Variants in MYO15A observed in about 807,000 individuals in gnomAD.
MYO15A encodes the protein myosin XVA.
In MYO15A, 308 loss-of-function variants were observed where a neutral mutation model predicts 394.6. That is an observed-to-expected ratio of 0.78 (90% CI 0.71 to 0.86). The LOEUF (loss-of-function observed/expected upper bound fraction) is 0.86. Ranked by LOEUF, MYO15A falls within the 40% of genes least tolerant of loss-of-function variation. The pLI is 0.00. For synonymous variants in MYO15A, 1,957 were observed against 2,003.8 expected (o/e 0.98, Z 0.62); for missense variants, 4,606 against 4,799.1 (o/e 0.96, Z 1.19).
Position 18,122,108 on chromosome 17 carries a change from G to A in MYO15A, c.3308G>A (p.Gly1103Glu), listed in dbSNP as rs750304417. 8.1e-6 allele frequency: 13 copies of A among 1,612,810 alleles called. No individual in the cohort carries two copies. The highest frequency in any genetic ancestry group is 1.1e-5 in the South Asian group (1 of 91,092). The change falls in exon 2 of 66, where the codon GGG (glycine) becomes GAG (glutamate). Residue 1103 changes from glycine to glutamate, a missense_variant. Transcript: ENST00000647165. Reference sequence around the variant, plus strand: ...AGGGCCCCAGAGCCCCTGCCCAAGGGGGGTGAACGGCGCCAGGCAGCCCCT... The same window carrying A: ...AGGGCCCCAGAGCCCCTGCCCAAGGAGGGTGAACGGCGCCAGGCAGCCCCT... ...PIRAPEPLPKGGERRQAAPGR... is the reference protein window; with the variant it reads ...PIRAPEPLPKEGERRQAAPGR...
At chr17:18,152,244 C>A in intron 42 of MYO15A, 60 bp downstream of exon 42, 1 of 1,496,608 alleles carries the variant, frequency 6.7e-7, no homozygotes, top group Non-Finnish European at 9.0e-7. Flanking sequence ...AGTCTGTGGG[C>A]ACAGGTGAGT....
At chr17:18,141,568 C>T (rs1420371357) in intron 22 of MYO15A, 85 bp from the exon 23 acceptor site, 3 of 1,324,166 alleles carry the variant, frequency 2.3e-6, no homozygotes, top group African/African-American at 2.9e-5. Context: ...TTTTTGGACA[C>T]CTGGCTGGGG....
chr17:18,171,660 C>T lies in MYO15A; in HGVS notation c.10105C>T (p.Pro3369Ser). Reference sequence around the variant, plus strand: ...CAGGCGGGAAGTCCAGGAGTACATCCCAGCCCAGCTCTACCGTACAACGGC... The same window carrying T: ...CAGGCGGGAAGTCCAGGAGTACATCTCAGCCCAGCTCTACCGTACAACGGC... ...PSVREVQEYI[P>S]AQLYRTTAGS... Residue 3369 changes from proline to serine, a missense_variant, in exon 63 of 66, where the codon CCA becomes TCA. Physicochemically the swap from Pro to Ser is moderately conservative, Grantham distance 74. Around this residue, in one of 2 missense-constraint regions of MYO15A, gnomAD observed 2,776 missense variants for 3,109.3 expected, o/e 0.89. Transcript: ENST00000647165. The T allele has an allele frequency of 6.2e-7, 1 of 1,613,924 alleles. No homozygotes were observed. Among genetic ancestry groups the T allele is most frequent in the Non-Finnish European group, 8.5e-7 (1 of 1,180,034 alleles).
In MYO15A at chr17:18,126,834, G is replaced by A. The variant is rs139329625; in HGVS notation, c.3910G>A (p.Asp1304Asn). Residue 1304 changes from aspartate (D) to asparagine (N), a missense_variant, in exon 6 of 66, where the codon GAT becomes AAT. Transcript: ENST00000647165. ...AAATCTCGCCTTCGCCAAAATGCTC[G>A]ATGCCAAACAGAACCAGTGCATAAT... is the stretch of plus-strand genomic sequence containing the variant. Reference protein sequence around the residue: ...VANLAFAKMLDAKQNQCIIIS... With the variant: ...VANLAFAKMLNAKQNQCIIIS... 58 of 1,613,922 alleles carry A rather than the reference G, an allele frequency of 3.6e-5. No individual in the cohort carries two copies. In the African/African-American group the frequency reaches 5.6e-4, roughly 16 times the overall value.
Position 18,131,494 on chromosome 17 carries a change from C to G in MYO15A, c.4169C>G (p.Ser1390Cys), listed in dbSNP as rs905910228. The G allele has an allele frequency of 1.2e-6, 2 of 1,613,886 alleles. No individual in the cohort carries two copies. Among genetic ancestry groups the G allele is most frequent in the African/African-American group, 2.7e-5 (2 of 74,866 alleles). ...EGGVISGAIT[S>C]QYLLEKSRIV... ...GGCGTGATCTCTGGTGCCATAACCTCCCAGTACCTGCTTGAGAAATCCAGG... is the reference window on the plus strand; with the variant it reads ...GGCGTGATCTCTGGTGCCATAACCTGCCAGTACCTGCTTGAGAAATCCAGG... Residue 1390 changes from serine to cysteine, a missense_variant, in exon 10 of 66, where the codon TCC (serine) becomes TGC (cysteine). Transcript: ENST00000647165.
chr17:18,146,188 G>A lies in MYO15A; in HGVS notation c.6509+81G>A, dbSNP rs188319834. 9.2e-5 allele frequency: 131 copies of A among 1,417,212 alleles called. No individual in the cohort carries two copies. In the African/African-American group the frequency reaches 1.7e-3, roughly 19 times the overall value. The allele number at this position is 1,417,212 out of a possible 1,614,324, so 87.8% of individuals were successfully genotyped here. The stretch of plus-strand genomic sequence containing the variant: ...GCCCAAGGCAGGGTCTTAAAGGTCA[G>A]GCCAGGAGTCAGATCTCTATGCTGG... On this transcript the variant is annotated intron_variant, in intron 30 of 65. Coordinates refer to ENST00000647165, the MANE Select transcript of MYO15A (RefSeq NM_016239.4).
intron 59 of MYO15A, 74 bp downstream of exon 59, chr17:18,163,395 G>A: frequency 6.8e-7 from 1 of 1,481,224 alleles, no homozygotes; most frequent in African/African-American, 1.4e-5. Flanking sequence ...TCCAGGATGG[G>A]GGTGGAGTAA....
In MYO15A at chr17:18,162,632, G is replaced by A. The variant is rs770274590; in HGVS notation, c.9565G>A (p.Gly3189Arg). Residue 3189 changes from glycine (G) to arginine (R), a missense_variant, in exon 58 of 66, where the codon GGA becomes AGA. Around this residue, in one of 2 missense-constraint regions of MYO15A, gnomAD observed 2,776 missense variants for 3,109.3 expected, o/e 0.89. Transcript: ENST00000647165. ...GAACCTGCAGAAAACCTTGCGCTTC[G>A]GAGGTCGTCTGGAGCTCCCCAGCAG... The part of the protein sequence containing the change: ...EQNLQKTLRF[G>R]GRLELPSSIE... 1.1e-5 allele frequency: 18 copies of A among 1,613,936 alleles called. No individual in the cohort carries two copies. The Admixed American group carries it at 2.0e-4, about 18-fold the overall frequency.
chr17:18,133,859 T>TCTC (rs2046215487), intron 12 of MYO15A, among the ~76,000 whole-genome samples: 1 of 152,224 alleles, frequency 6.6e-6, no homozygotes, highest in African/African-American at 2.4e-5. Context: ...GGTTTCACCA[T>TCTC]GTTGGCCAGG....
chr17:18,135,792 G>T lies in MYO15A; in HGVS notation c.4564G>T (p.Gly1522Cys). Residue 1522 changes from glycine to cysteine, a missense_variant, in exon 13 of 66, where the codon GGC becomes TGC. Gly to Cys is a radical substitution (Grantham distance 159). Transcript: ENST00000647165. Reference sequence around the variant, plus strand: ...AGAGCTGCTGCAGATCTCCCCTGAGGGCCTGCAGAAGGCCATCACCTTCAA... The same window carrying T: ...AGAGCTGCTGCAGATCTCCCCTGAGTGCCTGCAGAAGGCCATCACCTTCAA... The part of the protein sequence containing the change: ...VAELLQISPE[G>C]LQKAITFKVT... The T allele has an allele frequency of 6.2e-7, 1 of 1,614,114 alleles. No homozygotes were observed. Among genetic ancestry groups the T allele is most frequent in the East Asian group, 2.2e-5 (1 of 44,882 alleles).
intron 6 of MYO15A, 62 bp from the exon 7 acceptor site, chr17:18,127,013 T>A (rs1175999609): frequency 1.2e-6 from 2 of 1,606,340 alleles, no homozygotes; most frequent in Non-Finnish European, 1.7e-6. Context: ...ATGATGGGAG[T>A]CAGGGTGCCC....
chr17:18,173,745 C>T (rs199975272), intron 64 of MYO15A, 36 bp from the exon 65 acceptor site: 431 of 1,613,420 alleles, frequency 2.7e-4, no homozygotes, highest in Non-Finnish European at 3.3e-4. Flanking sequence ...TATCCTCGCC[C>T]ACAGGCCTGT....
rs200130551 is a variant in MYO15A, at chr17:18,153,869, C to A, written c.8061C>A (p.Ala2687=). ...INPNFYGYQD[A]PWKIFLRKEV... ...CCAACTTCTACGGCTATCAGGACGC[C>A]CCCTGGAAGATCTTCCTGCGCAAAG... The change falls in exon 43 of 66, where the codon GCC becomes GCA. Residue 2687 remains alanine, a synonymous_variant. Coordinates refer to ENST00000647165, the MANE Select transcript of MYO15A (RefSeq NM_016239.4). The surrounding 1 kb of genome is among the most constrained non-coding windows in gnomAD (Gnocchi z 4.1). The A allele has an allele frequency of 6.8e-6, 11 of 1,613,678 alleles. No individual in the cohort carries two copies. The East Asian group carries it at 1.6e-4, about 23-fold the overall frequency.
intron 30 of MYO15A, 124 bp downstream of exon 30, chr17:18,146,231 G>C (rs1166464165): frequency 1.7e-5 from 17 of 988,296 alleles, no homozygotes; most frequent in Admixed American, 4.0e-5. Flanking sequence ...AGGCATGGAG[G>C]CTGGCCAGGG....
intron 61 of MYO15A, among the ~76,000 whole-genome samples, chr17:18,166,887 TG>T (rs1330943601): frequency 6.6e-6 from 1 of 152,230 alleles, no homozygotes; most frequent in East Asian, 1.9e-4. Context: ...AGCCAGGCTT[TG>T]CTAGTACTGT....
In MYO15A at chr17:18,142,798, G is replaced by A. The variant is rs1024223189; in HGVS notation, c.5868G>A (p.Arg1956=). 3 of 1,613,568 alleles carry A rather than the reference G, an allele frequency of 1.9e-6. No homozygotes were observed. The African/African-American group carries it at 4.0e-5, about 22-fold the overall frequency. ...TGAGGAGGAGTCTGGTGAAGTTCCG[G>A]TCCCTGGTACACGCATACGTGAGCC... ...QQMRRSLVKF[R]SLVHAYVSRR... is the part of the protein sequence containing the mutation. Residue 1956 remains arginine (R), a synonymous_variant, in exon 25 of 66, where the codon CGG becomes CGA. Transcript: ENST00000647165.
Position 18,120,666 on chromosome 17 carries a change from C to A in MYO15A, c.1866C>A (p.Pro622=). The A allele has an allele frequency of 6.3e-7, 1 of 1,586,820 alleles. No homozygotes were observed. Among genetic ancestry groups the A allele is most frequent in the East Asian group, 2.3e-5 (1 of 43,918 alleles). ...YKLAGMDPEK[P]GTPIVLRRAQ... is the part of the protein sequence containing the mutation. Reference sequence around the variant, plus strand: ...TGGCTGGCATGGACCCCGAGAAGCCCGGCACGCCCATCGTGCTGAGGAGGG... The same window carrying A: ...TGGCTGGCATGGACCCCGAGAAGCCAGGCACGCCCATCGTGCTGAGGAGGG... Residue 622 remains proline, a synonymous_variant, in exon 2 of 66, where the codon CCC becomes CCA. Coordinates refer to ENST00000647165, the MANE Select transcript of MYO15A (RefSeq NM_016239.4).
At position 18,133,329 on chromosome 17, in the gene MYO15A, C is replaced by G; in HGVS notation, c.4425C>G (p.Ile1475Met). The G allele has an allele frequency of 6.2e-7, 1 of 1,614,210 alleles. No homozygotes were observed. The highest frequency in any genetic ancestry group is 1.1e-5 in the South Asian group (1 of 91,076). ...LGFSSEDQDS[I>M]FRILASILHL... ...TCAGCAGTGAGGACCAGGACAGCAT[C>G]TTCCGCATCCTGGCCTCCATCCTGC... The change falls in exon 12 of 66, where the codon ATC (isoleucine) becomes ATG (methionine). Residue 1475 changes from isoleucine to methionine, a missense_variant. Around this residue, in one of 2 missense-constraint regions of MYO15A, gnomAD observed 2,776 missense variants for 3,109.3 expected, o/e 0.89. Transcript: ENST00000647165.
rs2046561929 is a variant in MYO15A at position 18,150,601 on chromosome 17, G to A, written c.7327+58G>A. The A allele has an allele frequency of 1.9e-6, 3 of 1,611,366 alleles. No individual in the cohort carries two copies. Among genetic ancestry groups the A allele is most frequent in the African/African-American group, 1.3e-5 (1 of 74,854 alleles). On this transcript the variant is annotated intron_variant, in intron 36 of 65. Coordinates refer to ENST00000647165, the MANE Select transcript of MYO15A (RefSeq NM_016239.4). This position sits in a 1 kb window ranked among gnomAD's most constrained non-coding sequence, Gnocchi z 4.4. ...GGCAGGGCCAGAGCCACTTGCTGGT[G>A]TGCTAGAATGGAGGCAGCCACAGCA...
Sources: gnomAD v4.1 joint callset for allele counts (sites outside exome capture counted in the v4.1 genomes callset) on GRCh38, gnomAD v4.1.1 for gene constraint, gnomAD v4.1.1 regional missense constraint, Gnocchi (gnomAD v3.1) non-coding constraint, MANE v1.5 for transcripts, NCBI Gene and HGNC (gene_info 2026-07-23, HGNC 2026-07-21) for gene names.